The following GRHL2 variants were observed in gnomAD, a reference collection of about 807,000 sequenced individuals.
The protein encoded by GRHL2 is grainyhead like transcription factor 2, also known as grainyhead-like protein 2 homolog.
A neutral mutation model predicts 83.8 loss-of-function variants in GRHL2; 21 were observed. The observed-to-expected ratio is 0.25, with a 90% CI of 0.18 to 0.36. The LOEUF (loss-of-function observed/expected upper bound fraction) is 0.36, where lower values mean the gene tolerates loss of function less well. Ranked by LOEUF, GRHL2 falls within the 10% of genes least tolerant of loss-of-function variation. The probability of loss-of-function intolerance (pLI) is 1.00; values close to 1 mark genes in which losing one functional copy is unlikely to be tolerated. For missense variants in GRHL2, 623 were observed against 781.8 expected, an observed-to-expected ratio of 0.80 and a Z score of 2.42; for synonymous variants, 280 against 278.9, an observed-to-expected ratio of 1.00 and a Z score of -0.04.
At chr8:101,596,962 C>T (rs941153788) in intron 7 of GRHL2, among the ~76,000 whole-genome samples, 7 of 152,234 alleles carry the variant, frequency 4.6e-5, no homozygotes, top group Admixed American at 1.3e-4. Context: ...TAAGCAGTTT[C>T]CATAAGGAGA....
chr8:101,523,268 G>A (rs553392664), intron 1 of GRHL2, among the ~76,000 whole-genome samples: 15 of 151,636 alleles, frequency 9.9e-5, no homozygotes, highest in Admixed American at 3.9e-4. Flanking sequence ...CCATACAGGT[G>A]AAGAGAGAAA....
At chr8:101,510,567 C>T (rs1249556238) in intron 1 of GRHL2, among the ~76,000 whole-genome samples, 6 of 152,012 alleles carry the variant, frequency 3.9e-5, no homozygotes, top group Admixed American at 6.6e-5. Flanking sequence ...TTGATCATTT[C>T]CTAGAATGAA....
At chr8:101,578,850 G>C (rs1449025180) in intron 7 of GRHL2, among the ~76,000 whole-genome samples, 1 of 152,162 alleles carries the variant, frequency 6.6e-6, no homozygotes, top group South Asian at 2.1e-4. Context: ...ACTAGGATAG[G>C]GTGAGAGGCT....
In GRHL2 at chr8:101,666,700, C is replaced by T. The variant is rs1814067690; in HGVS notation, c.1875C>T (p.Ile625=). ...VEGFKVTLME[I] ...GCTTCAAGGTCACGCTCATGGAAAT[C>T]TAGCCCTGGGTTTGGCATCCGCTTT... The change falls in exon 16 of 16, where the codon ATC becomes ATT. Residue 625 remains isoleucine (I), a synonymous_variant. Coordinates refer to ENST00000646743, the MANE Select transcript of GRHL2 (RefSeq NM_024915.4). 6.2e-7 allele frequency: 1 copy of T among 1,601,938 alleles called. No homozygotes were observed. The highest frequency in any genetic ancestry group is 1.1e-5 in the South Asian group (1 of 90,790).
intron 1 of GRHL2, among the ~76,000 whole-genome samples, chr8:101,538,463 T>A (rs567006889): frequency 6.6e-5 from 10 of 152,284 alleles, no homozygotes; most frequent in African/African-American, 2.2e-4. Flanking sequence ...CTGTGTGACA[T>A]GGCCTTAGCC....
chr8:101,629,359 G>GGT (rs1314422346), intron 9 of GRHL2, among the ~76,000 whole-genome samples: 14 of 151,220 alleles, frequency 9.3e-5, no homozygotes, highest in Non-Finnish European at 1.9e-4. Flanking sequence ...ACATTTTTTA[G>GGT]ACATAACGCT....
intron 8 of GRHL2, among the ~76,000 whole-genome samples, chr8:101,610,759 G>A (rs1424571008): frequency 6.6e-6 from 1 of 150,854 alleles, no homozygotes; most frequent in Non-Finnish European, 1.5e-5. Context: ...CTTGGCAGAT[G>A]TTTTTTTCTG....
At chr8:101,644,248 C>A (rs751013725) in intron 13 of GRHL2, 23 bp downstream of exon 13, 9 of 1,584,580 alleles carry the variant, frequency 5.7e-6, no homozygotes, top group Non-Finnish European at 4.3e-6. Flanking sequence ...CTGGGGCATG[C>A]CCTCTCAGAA....
intron 9 of GRHL2, among the ~76,000 whole-genome samples, chr8:101,631,107 A>G (rs900982488): frequency 2.0e-5 from 3 of 152,218 alleles, no homozygotes; most frequent in Non-Finnish European, 4.4e-5. Flanking sequence ...CCATGCTTAC[A>G]TGTACAAAGT....
chr8:101,536,751 G>A (rs1811053493), intron 1 of GRHL2, among the ~76,000 whole-genome samples: 1 of 152,154 alleles, frequency 6.6e-6, no homozygotes, highest in African/African-American at 2.4e-5. Flanking sequence ...ATTTTAAATT[G>A]ACAGCAAGAT....
intron 1 of GRHL2, among the ~76,000 whole-genome samples, chr8:101,524,950 CT>C (rs71276982): frequency 4.6e-5 from 7 of 150,822 alleles, no homozygotes; most frequent in African/African-American, 1.2e-4. Flanking sequence ...ATCAACATAT[CT>C]TTTTTTTTGA....
At chr8:101,557,520 G>A (rs1811513558) in intron 3 of GRHL2, among the ~76,000 whole-genome samples, 1 of 152,054 alleles carries the variant, frequency 6.6e-6, no homozygotes, top group Non-Finnish European at 1.5e-5. Flanking sequence ...CACCGCACCT[G>A]ACAACAATAC....
chr8:101,539,253 C>G (rs116208434), intron 1 of GRHL2, among the ~76,000 whole-genome samples: 1 of 152,212 alleles, frequency 6.6e-6, no homozygotes, highest in Non-Finnish European at 1.5e-5. Flanking sequence ...GCAATGTGTG[C>G]GTCTCTGAGG....
chr8:101,519,000 T>A (rs980585011), intron 1 of GRHL2, among the ~76,000 whole-genome samples: 11 of 152,278 alleles, frequency 7.2e-5, no homozygotes, highest in African/African-American at 2.6e-4. Flanking sequence ...GCTGTGCAGT[T>A]GACAAATTTT....
chr8:101,641,680 C>T (rs1414142948), intron 12 of GRHL2, among the ~76,000 whole-genome samples: 6 of 152,088 alleles, frequency 3.9e-5, no homozygotes, highest in African/African-American at 1.2e-4. Flanking sequence ...ACATAATAAC[C>T]ACCACATTGT....
intron 7 of GRHL2, among the ~76,000 whole-genome samples, chr8:101,587,414 A>G (rs1812190454): frequency 6.6e-6 from 1 of 152,222 alleles, no homozygotes. Flanking sequence ...CAAAACACAC[A>G]CACATACTCA....
intron 4 of GRHL2, among the ~76,000 whole-genome samples, chr8:101,564,433 G>A (rs902157420): frequency 6.6e-6 from 1 of 152,200 alleles, no homozygotes; most frequent in African/African-American, 2.4e-5. Flanking sequence ...GCACGTGCAT[G>A]TGTGCACAGT....
At chr8:101,601,999 C>T (rs1198576268) in intron 8 of GRHL2, among the ~76,000 whole-genome samples, 1 of 152,064 alleles carries the variant, frequency 6.6e-6, no homozygotes, top group Non-Finnish European at 1.5e-5. Context: ...CTCGACAGGC[C>T]CTGGTGCGTA....
chr8:101,615,689 C>A (rs1812840037), intron 8 of GRHL2, among the ~76,000 whole-genome samples: 1 of 151,466 alleles, frequency 6.6e-6, no homozygotes, highest in African/African-American at 2.4e-5. Flanking sequence ...GAAAATTATA[C>A]TTTTTTTTTA....
Sources: gnomAD v4.1 joint callset for allele counts (sites outside exome capture counted in the v4.1 genomes callset) on GRCh38, gnomAD v4.1.1 for gene constraint, MANE v1.5 for transcripts, NCBI Gene and HGNC (gene_info 2026-07-23, HGNC 2026-07-21) for gene names.